RPL22L1: variants seen among roughly 807,000 people sequenced by gnomAD.
RPL22L1 encodes ribosomal protein L22 like 1.
A neutral mutation model predicts 17.3 loss-of-function variants in RPL22L1; 19 were observed. That is an observed-to-expected ratio of 1.10 (90% CI 0.77 to 1.61). RPL22L1 has a LOEUF of 1.61. RPL22L1 is among the 40% of genes most tolerant of loss of function. The pLI is 0.00. For synonymous variants in RPL22L1, 48 were observed against 48.5 expected, an observed-to-expected ratio of 0.99 and a Z score of 0.05; for missense variants, 139 against 144.4, an observed-to-expected ratio of 0.96 and a Z score of 0.19.
chr3:170,867,731 A>G (rs1408655341), intron 3 of RPL22L1, among the ~76,000 whole-genome samples: 3 of 152,210 alleles, frequency 2.0e-5, no homozygotes, highest in Non-Finnish European at 2.9e-5. Flanking sequence ...CTCAAATACT[A>G]AAGTACTCAG....
chr3:170,866,599 T>C (rs1405148415), intron 3 of RPL22L1, 75 bp from the exon 4 acceptor site: 1 of 1,028,836 alleles, frequency 9.7e-7, no homozygotes, highest in Non-Finnish European at 1.4e-6. Flanking sequence ...ACGAAAAATA[T>C]ACATCATCAT....
Position 170,870,181 on chromosome 3 carries a change from C to T in RPL22L1, c.-14G>A, listed in dbSNP as rs777034073. On this transcript the variant is annotated 5_prime_UTR_variant, in exon 1 of 4. Transcript: ENST00000295830. ...CACCGGCGCCATCTTGCGAGTCGGC[C>T]GCGAGAGCAGAGAGGAAGCTACGGC... 2 of 1,613,792 alleles carry T rather than the reference C, an allele frequency of 1.2e-6. No individual in the cohort carries two copies. The highest frequency in any genetic ancestry group is 1.3e-5 in the African/African-American group (1 of 74,890).
In RPL22L1 at chr3:170,865,739, C is replaced by T. The variant is rs1361104668; in HGVS notation, c.*641G>A. The T allele has an allele frequency of 6.6e-6, 1 of 152,196 alleles. No homozygotes were observed. Among genetic ancestry groups the T allele is most frequent in the African/African-American group, 2.4e-5 (1 of 41,442 alleles). 9.4% of individuals were successfully genotyped at this position (152,196 alleles called of 1,614,324 possible). ...CTAACTATAAGAGCAAACTACAGAG[C>T]AACTTATATGTAAGAACTGTTCTAA... is the stretch of plus-strand genomic sequence containing the variant. On this transcript the variant is annotated 3_prime_UTR_variant, in exon 4 of 4. Coordinates refer to ENST00000295830, the MANE Select transcript of RPL22L1 (RefSeq NM_001099645.2).
chr3:170,866,940 G>A (rs1018740985), intron 3 of RPL22L1, among the ~76,000 whole-genome samples: 1 of 152,070 alleles, frequency 6.6e-6, no homozygotes, highest in African/African-American at 2.4e-5. Flanking sequence ...TGCTCATTAA[G>A]TCTCAACTTC....
chr3:170,868,105 G>A lies in RPL22L1; in HGVS notation c.132C>T (p.Val44=). ...TCCCGAGATTTCCAGTTTTGCCATT[G>A]ACTTTAACCTTCTCCCGTAGAAATT... ...FEQFLREKVK[V]NGKTGNLGNV... The change falls in exon 3 of 4, where the codon GTC becomes GTT. Residue 44 remains valine (V), a synonymous_variant. Coordinates refer to ENST00000295830, the MANE Select transcript of RPL22L1 (RefSeq NM_001099645.2). 1 of 1,606,366 alleles carries A rather than the reference G, an allele frequency of 6.2e-7. No individual in the cohort carries two copies. Among genetic ancestry groups the A allele is most frequent in the Non-Finnish European group, 8.5e-7 (1 of 1,175,606 alleles).
At position 170,865,904 on chromosome 3, in the gene RPL22L1, C is replaced by CAG. The variant is rs1711740247; in HGVS notation, c.*474_*475dup. The stretch of plus-strand genomic sequence containing the variant: ...GGGCATGGTGGTTCACAGCTATAAT[C>CAG]AGCACTTTGGGAAGCCGAGGTGGGT... On this transcript the variant is annotated 3_prime_UTR_variant, in exon 4 of 4. Transcript: ENST00000295830. The CAG allele has an allele frequency of 6.6e-6, 1 of 152,150 alleles. No homozygotes were observed. Among genetic ancestry groups the CAG allele is most frequent in the Non-Finnish European group, 1.5e-5 (1 of 68,230 alleles). The allele number at this position is 152,150 out of a possible 1,614,324, so 9.4% of individuals were successfully genotyped here.
chr3:170,868,479 G>A (rs1166565740), intron 1 of RPL22L1, 89 bp from the exon 2 acceptor site: 2 of 749,088 alleles, frequency 2.7e-6, no homozygotes, highest in East Asian at 5.4e-5. Flanking sequence ...AATGCAATCT[G>A]TACAATGTAC....
At position 170,866,230 on chromosome 3, in the gene RPL22L1, T is replaced by C. The variant is rs1221176329; in HGVS notation, c.*150A>G. On this transcript the variant is annotated 3_prime_UTR_variant, in exon 4 of 4. Coordinates refer to ENST00000295830, the MANE Select transcript of RPL22L1 (RefSeq NM_001099645.2). ...AGTTATCAGAGGGAAATCAAAATCA[T>C]ATAAACAGCATACTCAAAAAAATGA... 3.4e-6 allele frequency: 2 copies of C among 587,800 alleles called. No homozygotes were observed. The highest frequency in any genetic ancestry group is 5.8e-5 in the East Asian group (2 of 34,258). 36.4% of individuals were successfully genotyped at this position (587,800 alleles called of 1,614,324 possible).
rs957367223 is a variant in RPL22L1, at chr3:170,866,477, C to A, written c.272G>T (p.Arg91Leu). 2 of 1,578,650 alleles carry A rather than the reference C, an allele frequency of 1.3e-6. No homozygotes were observed. The highest frequency in any genetic ancestry group is 1.7e-6 in the Non-Finnish European group (2 of 1,160,768). ...TKKYLKKNNL[R>L]DWLRVVASDK... ...AGATGCAACCACTCGAAGCCAATCA[C>A]GAAGATTGTTCTTCTTAAGGTATTT... The change falls in exon 4 of 4, where the codon CGT becomes CTT. Residue 91 changes from arginine (R) to leucine (L), a missense_variant. Coordinates refer to ENST00000295830, the MANE Select transcript of RPL22L1 (RefSeq NM_001099645.2).
chr3:170,868,162 C>A (rs1408832288), intron 2 of RPL22L1, 28 bp from the exon 3 acceptor site: 3 of 1,600,064 alleles, frequency 1.9e-6, no homozygotes, highest in Non-Finnish European at 2.6e-6. Context: ...AAATGCAAAA[C>A]TAGGGAAGAG....
In RPL22L1 at chr3:170,865,931, G is replaced by C. The variant is rs1711741750; in HGVS notation, c.*449C>G. The C allele has an allele frequency of 2.0e-5, 3 of 152,750 alleles. No homozygotes were observed. Among genetic ancestry groups the C allele is most frequent in the African/African-American group, 7.2e-5 (3 of 41,412 alleles). The allele number at this position is 152,750 out of a possible 1,614,324, so 9.5% of individuals were successfully genotyped here. A position where few individuals can be genotyped will look rare whatever the true frequency, so the allele number is the denominator to read the frequency against. On this transcript the variant is annotated 3_prime_UTR_variant, in exon 4 of 4. Coordinates refer to ENST00000295830, the MANE Select transcript of RPL22L1 (RefSeq NM_001099645.2). ...GCACTTTGGGAAGCCGAGGTGGGTA[G>C]ATCACTTGAGGTCAGGAGTTTGAAA...
In RPL22L1 at chr3:170,865,743, TTATATGTAAGAACTGTTC is replaced by T. The variant is rs1421062961; in HGVS notation, c.*619_*636del. 6.6e-6 allele frequency: 1 copy of T among 152,202 alleles called. No individual in the cohort carries two copies. The highest frequency in any genetic ancestry group is 1.5e-5 in the Non-Finnish European group (1 of 68,040). The allele number at this position is 152,202 out of a possible 1,614,324, so 9.4% of individuals were successfully genotyped here. On this transcript the variant is annotated 3_prime_UTR_variant, in exon 4 of 4. Transcript: ENST00000295830. Reference sequence around the variant, plus strand: ...CTATAAGAGCAAACTACAGAGCAACTTATATGTAAGAACTGTTCTAAGCACTTGAGATTACATTTACAA... The same window carrying T: ...CTATAAGAGCAAACTACAGAGCAACTTAAGCACTTGAGATTACATTTACAA...
Position 170,866,312 on chromosome 3 carries a change from C to A in RPL22L1, c.*68G>T. The A allele has an allele frequency of 2.2e-6, 3 of 1,342,206 alleles. No homozygotes were observed. The highest frequency in any genetic ancestry group is 2.6e-5 in the East Asian group (1 of 38,894). The allele number at this position is 1,342,206 out of a possible 1,614,324, so 83.1% of individuals were successfully genotyped here. A position where few individuals can be genotyped will look rare whatever the true frequency, so the allele number is the denominator to read the frequency against. ...TCACTGATAAACTAAAAGCCAATTT[C>A]TTGGTATTTCTCATGTATACTTCAT... On this transcript the variant is annotated 3_prime_UTR_variant, in exon 4 of 4. Coordinates refer to ENST00000295830, the MANE Select transcript of RPL22L1 (RefSeq NM_001099645.2).
In RPL22L1 at chr3:170,865,706, T is replaced by C. The variant is rs1237499153; in HGVS notation, c.*674A>G. The C allele has an allele frequency of 6.6e-6, 1 of 152,092 alleles. No homozygotes were observed. The highest frequency in any genetic ancestry group is 2.4e-5 in the African/African-American group (1 of 41,404). The allele number at this position is 152,092 out of a possible 1,614,324, so 9.4% of individuals were successfully genotyped here. On this transcript the variant is annotated 3_prime_UTR_variant, in exon 4 of 4. Coordinates refer to ENST00000295830, the MANE Select transcript of RPL22L1 (RefSeq NM_001099645.2). ...TTTACAGCAGGCCTCACACCCAGAG[T>C]CTTTGGGCTAACTATAAGAGCAAAC...
At chr3:170,868,255 A>T in intron 2 of RPL22L1, 43 bp downstream of exon 2, 1 of 1,486,856 alleles carries the variant, frequency 6.7e-7, no homozygotes, top group South Asian at 1.1e-5. Context: ...ACCATTATCA[A>T]TAACTCTGAT....
intron 3 of RPL22L1, among the ~76,000 whole-genome samples, chr3:170,867,213 C>G (rs1711804608): frequency 6.6e-6 from 1 of 152,186 alleles, no homozygotes; most frequent in Non-Finnish European, 1.5e-5. Flanking sequence ...CCACAATAAA[C>G]AATTGCTTCC....
rs1221176329 is a variant in RPL22L1, at chr3:170,866,230, T to A, written c.*150A>T. On this transcript the variant is annotated 3_prime_UTR_variant, in exon 4 of 4. Coordinates refer to ENST00000295830, the MANE Select transcript of RPL22L1 (RefSeq NM_001099645.2). ...AGTTATCAGAGGGAAATCAAAATCA[T>A]ATAAACAGCATACTCAAAAAAATGA... 1.7e-6 allele frequency: 1 copy of A among 587,682 alleles called. No individual in the cohort carries two copies. Among genetic ancestry groups the A allele is most frequent in the Non-Finnish European group, 2.9e-6 (1 of 349,028 alleles). The allele number at this position is 587,682 out of a possible 1,614,324, so 36.4% of individuals were successfully genotyped here.
chr3:170,867,979 C>A, intron 3 of RPL22L1, 34 bp downstream of exon 3: 1 of 1,480,722 alleles, frequency 6.8e-7, no homozygotes, highest in South Asian at 1.2e-5. Context: ...TCCAAAACTA[C>A]TATAGTTTTA....
At chr3:170,870,087 G>A (rs1711938208) in intron 1 of RPL22L1, 72 bp downstream of exon 1, 2 of 1,608,996 alleles carry the variant, frequency 1.2e-6, no homozygotes, top group Admixed American at 1.7e-5. Flanking sequence ...CCACTCGACA[G>A]ATGCAAAAAT....
Sources: allele counts gnomAD v4.1 joint callset (sites outside exome capture counted in the v4.1 genomes callset), GRCh38; gene constraint gnomAD v4.1.1; transcripts MANE v1.5; gene names NCBI Gene and HGNC (gene_info 2026-07-23, HGNC 2026-07-21).